Variants in KHDC1 observed in about 807,000 individuals in gnomAD.
The protein encoded by KHDC1 is KH homology domain-containing protein 1.
A neutral mutation model predicts 24.7 loss-of-function variants in KHDC1; 21 were observed. The observed-to-expected ratio is 0.85, with a 90% CI of 0.60 to 1.23. The LOEUF (loss-of-function observed/expected upper bound fraction) is 1.23. KHDC1 is among the 50% of genes most tolerant of loss of function. The pLI, the probability that KHDC1 is intolerant of heterozygous loss-of-function variation, is 0.00. For missense variants in KHDC1, 274 were observed against 298.5 expected (o/e 0.92, Z 0.61); for synonymous variants, 98 against 111.7 (o/e 0.88, Z 0.77).
chr6:73,290,962 G>A (rs923241963), intron 2 of KHDC1: 32 of 354,330 alleles, frequency 9.0e-5, no homozygotes, highest in Middle Eastern at 2.1e-3. Flanking sequence ...CTCTGTGCAT[G>A]TGTTGCACCA....
chr6:73,309,952 G>T, exon 1 of KHDC1: 1 of 485,964 alleles, frequency 2.1e-6, no homozygotes, highest in Non-Finnish European at 3.6e-6. Context: ...CGGCTGGCAA[G>T]ACGTCCCAGG....
intron 2 of KHDC1, chr6:73,268,099 C>T (rs926299692): frequency 1.0e-4 from 15 of 147,390 alleles, no homozygotes; most frequent in Middle Eastern, 3.0e-3. Flanking sequence ...GAATGAAGCG[C>T]GGACCCTCAC....
intron 2 of KHDC1, chr6:73,263,067 G>GGCA (rs1554225337): frequency 0.016 from 1,722 of 108,830 alleles, 21 homozygotes; most frequent in African/African-American, 0.068. Flanking sequence ...CGGCGGCGGC[G>GGCA]GCAGCGGCGG....
rs543967273 is a variant in KHDC1 at position 73,283,995 on chromosome 6, A to G, written c.206+8003T>C. Among the ~76,000 whole-genome samples, 6 of 151,986 alleles carry G rather than the reference A, an allele frequency of 3.9e-5. No homozygotes were observed. The South Asian group carries it at 1.2e-3, about 32-fold the overall frequency. The stretch of plus-strand genomic sequence containing the variant: ...AGAGAAGTCTAGCATGGCTGACCCC[A>G]TCTTGCTTCTAGCCTCACTCATTCC... On this transcript the variant is annotated intron_variant, in intron 2 of 4. Transcript: ENST00000370384.
chr6:73,285,133 C>A (rs889016635), intron 2 of KHDC1, among the ~76,000 whole-genome samples: 5 of 152,074 alleles, frequency 3.3e-5, no homozygotes, highest in African/African-American at 9.7e-5. Flanking sequence ...GTGTGAGCCA[C>A]CCAGCGTGTC....
chr6:73,255,839 T>G (rs1582556937), intron 2 of KHDC1, among the ~76,000 whole-genome samples: 1 of 149,190 alleles, frequency 6.7e-6, no homozygotes, highest in Admixed American at 6.7e-5. Context: ...GAGGTGGAGG[T>G]TGCAGTGAGC....
chr6:73,307,350 G>A (rs1361746823), intron 1 of KHDC1, among the ~76,000 whole-genome samples: 1 of 151,372 alleles, frequency 6.6e-6, no homozygotes, highest in Non-Finnish European at 1.5e-5. Context: ...GCTTGAACCC[G>A]GGAGGCGGAG....
rs547455696 is a variant in KHDC1, at chr6:73,309,553, T to C, written c.162A>G (p.Arg54=). 1.1e-5 allele frequency: 16 copies of C among 1,515,560 alleles called. 1 individual carries two copies. The highest frequency in any genetic ancestry group is 1.7e-4 in the Middle Eastern group (1 of 5,824). 93.9% of individuals were successfully genotyped at this position (1,515,560 alleles called of 1,614,324 possible). ...ACCAGGGCCCCTAAAGCCACTCACC[T>C]CGATTTCTGCGGATCCAAAGGTGGA... is the stretch of plus-strand genomic sequence containing the variant. Residue 54 remains arginine (R), a splice_region_variant and synonymous_variant, in exon 1 of 5, where the codon CGA becomes CGG. Coordinates refer to ENST00000370384, the Ensembl canonical transcript of KHDC1.
chr6:73,246,497 GAGA>G (rs1383499209), intron 2 of KHDC1, among the ~76,000 whole-genome samples: 1 of 152,164 alleles, frequency 6.6e-6, no homozygotes. Flanking sequence ...TCTCAAGTAA[GAGA>G]AGGAGAGTTG....
chr6:73,242,594 G>T, intron 2 of KHDC1, 64 bp from the exon 2 acceptor site: 1 of 1,607,162 alleles, frequency 6.2e-7, no homozygotes, highest in South Asian at 1.1e-5. Flanking sequence ...AGTGAGGGAG[G>T]GCCTAGGCTC....
rs1767514828 is a variant in KHDC1, at chr6:73,286,137, T to G, written c.206+5861A>C. On this transcript the variant is annotated intron_variant, in intron 2 of 4. Coordinates refer to ENST00000370384, the Ensembl canonical transcript of KHDC1. ...GAGAACTCTACACCCATTCCCAGCC[T>G]TATCCTGCTGCCAAACCATACCACA... is the stretch of plus-strand genomic sequence containing the variant. Among the ~76,000 whole-genome samples, 4 of 152,164 alleles carry G rather than the reference T, an allele frequency of 2.6e-5. No individual in the cohort carries two copies. In the South Asian group the frequency reaches 8.3e-4, roughly 32 times the overall value.
chr6:73,305,809 G>A (rs762472727), intron 1 of KHDC1, among the ~76,000 whole-genome samples: 6 of 151,948 alleles, frequency 3.9e-5, no homozygotes, highest in South Asian at 2.1e-4. Flanking sequence ...ACAGGAGCCC[G>A]CCACCACACC....
chr6:73,297,988 T>A (rs945757529), intron 1 of KHDC1, among the ~76,000 whole-genome samples: 7 of 152,062 alleles, frequency 4.6e-5, no homozygotes, highest in African/African-American at 1.2e-4. Flanking sequence ...TCCGGGAGTT[T>A]GAGACCAGCC....
chr6:73,247,134 T>G (rs996264471), intron 2 of KHDC1, among the ~76,000 whole-genome samples: 27 of 151,922 alleles, frequency 1.8e-4, no homozygotes, highest in Admixed American at 5.3e-4. Flanking sequence ...TGAACCACCA[T>G]GCCCAGCTAA....
chr6:73,309,833 A>G, exon 1 of KHDC1: 7 of 1,242,848 alleles, frequency 5.6e-6, no homozygotes, highest in Non-Finnish European at 7.8e-6. Flanking sequence ...AGCGAAGTTC[A>G]GGACGCGAAG....
At chr6:73,265,435 A>G (rs1767061486) in intron 2 of KHDC1, among the ~76,000 whole-genome samples, 2 of 150,200 alleles carry the variant, frequency 1.3e-5, no homozygotes, top group South Asian at 4.3e-4. Flanking sequence ...AGGCTGAGGC[A>G]GGAGAATTGC....
intron 2 of KHDC1, among the ~76,000 whole-genome samples, chr6:73,288,031 C>G (rs947678965): frequency 2.0e-5 from 3 of 152,210 alleles, no homozygotes; most frequent in Non-Finnish European, 2.9e-5. Flanking sequence ...TCCAGTATTA[C>G]ATCCCAGGGG....
At chr6:73,309,416 G>A in intron 1 of KHDC1, 1 of 808,968 alleles carries the variant, frequency 1.2e-6, no homozygotes, top group South Asian at 2.9e-5. Flanking sequence ...TTTTTAACAT[G>A]GTGATTTGCA....
Position 73,252,897 on chromosome 6 carries a change from T to C in KHDC1, c.207-10367A>G, listed in dbSNP as rs573398558. ...AATACATAAATGATGGGTACTGCTC[T>C]GTCCCAATAAAACTTTATTTATAAA... is the stretch of plus-strand genomic sequence containing the variant. On this transcript the variant is annotated intron_variant, in intron 2 of 4. Transcript: ENST00000370384. Among the ~76,000 whole-genome samples the C allele has an allele frequency of 5.9e-5, 9 of 152,314 alleles. No homozygotes were observed. In the South Asian group the frequency reaches 1.7e-3, roughly 28 times the overall value.
Sources: gnomAD v4.1 joint callset for allele counts (sites outside exome capture counted in the v4.1 genomes callset) on GRCh38, gnomAD v4.1.1 for gene constraint, MANE v1.5 for transcripts, NCBI Gene and HGNC (gene_info 2026-07-23, HGNC 2026-07-21) for gene names.